The following SRP68 variants were observed in gnomAD, a reference collection of about 807,000 sequenced individuals.
SRP68 encodes signal recognition particle 68.
Under a neutral mutation model 82.2 loss-of-function variants are expected in SRP68, and 15 were observed. The ratio of observed to expected loss-of-function variants is 0.18; its 90% CI spans 0.12 to 0.28. The LOEUF is 0.28. SRP68 is among the 10% of genes least tolerant of loss of function. SRP68 has a pLI of 1.00. For synonymous variants in SRP68, 261 were observed against 292.6 expected, an observed-to-expected ratio of 0.89 and a Z score of 1.10; for missense variants, 595 against 780.5, an observed-to-expected ratio of 0.76 and a Z score of 2.83.
chr17:76,068,207 G>A (rs533769864), intron 2 of SRP68, among the ~76,000 whole-genome samples: 14 of 152,036 alleles, frequency 9.2e-5, no homozygotes, highest in Non-Finnish European at 1.5e-4. Context: ...CAGGACATTC[G>A]CTTAAACTCA....
chr17:76,062,977 A>C (rs556893085), intron 4 of SRP68, among the ~76,000 whole-genome samples: 3 of 150,506 alleles, frequency 2.0e-5, no homozygotes, highest in African/African-American at 7.3e-5. Context: ...TCACCGTGTT[A>C]GCCAGGATGG....
intron 8 of SRP68, 103 bp downstream of exon 8, chr17:76,057,300 T>C (rs2066719756): frequency 1.4e-6 from 2 of 1,404,924 alleles, no homozygotes; most frequent in Non-Finnish European, 2.0e-6. Flanking sequence ...CATTAAAAGT[T>C]TGTTTTATGA....
Position 76,046,182 on chromosome 17 carries a change from G to A in SRP68, c.1155C>T (p.Tyr385=). The A allele has an allele frequency of 1.2e-6, 2 of 1,613,774 alleles. No homozygotes were observed. The highest frequency in any genetic ancestry group is 2.2e-5 in the East Asian group (1 of 44,852). ...GCTTGATTGCCGTTGATAGCTTGAT[G>A]TAAGTCAGGTAGCTGGAATGCACCA... ...NLQYLHSYLT[Y]IKLSTAIKRN... Residue 385 remains tyrosine, a synonymous_variant, in exon 11 of 16, where the codon TAC becomes TAT. Transcript: ENST00000307877.
intron 7 of SRP68, among the ~76,000 whole-genome samples, chr17:76,059,149 T>C (rs1352677784): frequency 1.3e-5 from 2 of 152,200 alleles, no homozygotes; most frequent in Non-Finnish European, 2.9e-5. Flanking sequence ...CTCAGGAGGC[T>C]GAGGCAGGAG....
At chr17:76,054,508 C>A (rs1002668593) in intron 8 of SRP68, among the ~76,000 whole-genome samples, 16 of 152,076 alleles carry the variant, frequency 1.1e-4, no homozygotes, top group African/African-American at 3.4e-4. Context: ...GATAAATGGT[C>A]CCTCTTCCAC....
Position 76,039,947 on chromosome 17 carries a change from C to G in SRP68, c.1657-14G>C. The stretch of plus-strand genomic sequence containing the variant: ...TTCAACCAGAGGCTGGAAGTCAAAT[C>G]AAAGAGACGTATGTAGCATCGGTCA... On this transcript the variant is annotated splice_polypyrimidine_tract_variant and intron_variant, in intron 15 of 15. Transcript: ENST00000307877. 1.2e-6 allele frequency: 2 copies of G among 1,613,230 alleles called. No individual in the cohort carries two copies. Among genetic ancestry groups the G allele is most frequent in the Non-Finnish European group, 1.7e-6 (2 of 1,179,476 alleles).
chr17:76,057,714 A>T (rs1351585231), intron 7 of SRP68, among the ~76,000 whole-genome samples, 171 bp from the exon 8 acceptor site: 1 of 152,060 alleles, frequency 6.6e-6, no homozygotes, highest in Non-Finnish European at 1.5e-5. Flanking sequence ...TTGCTCTGTC[A>T]CCCAGGCTGG....
chr17:76,060,378 G>C lies in SRP68; in HGVS notation c.767C>G (p.Ala256Gly). ...YCAYNIGDQS[A>G]INELMQMRLR... ...TCTCATCTGCATGAGTTCATTGATG[G>C]CTGACTGGTCCCCTAAGAGAGAAAG... Residue 256 changes from alanine (A) to glycine (G), a missense_variant, in exon 7 of 16, where the codon GCC becomes GGC. This residue lies in a region of SRP68 where 495 missense variants were observed against 688.6 expected (regional missense o/e 0.72). Coordinates refer to ENST00000307877, the MANE Select transcript of SRP68 (RefSeq NM_014230.4). 1 of 1,611,676 alleles carries C rather than the reference G, an allele frequency of 6.2e-7. No individual in the cohort carries two copies. Among genetic ancestry groups the C allele is most frequent in the Non-Finnish European group, 8.5e-7 (1 of 1,179,334 alleles).
chr17:76,046,485 C>CA (rs974599570), intron 10 of SRP68, among the ~76,000 whole-genome samples: 9 of 125,864 alleles, frequency 7.2e-5, no homozygotes, highest in African/African-American at 2.4e-4. Flanking sequence ...AAAAAAAAAA[C>CA]AAAAAACAGA....
intron 14 of SRP68, 70 bp downstream of exon 14, chr17:76,040,833 G>T: frequency 7.2e-7 from 1 of 1,392,468 alleles, no homozygotes; most frequent in Non-Finnish European, 1.0e-6. Context: ...ACAGTAGTAT[G>T]GGGTGTGACA....
intron 10 of SRP68, 23 bp downstream of exon 10, chr17:76,047,882 TA>T (rs770608973): frequency 3.0e-6 from 4 of 1,343,940 alleles, no homozygotes; most frequent in Middle Eastern, 2.3e-4. Flanking sequence ...TATTAAAAAG[TA>T]AAAAAATTAA....
intron 13 of SRP68, chr17:76,043,273 C>T (rs1458077371): frequency 6.6e-6 from 1 of 151,622 alleles, no homozygotes; most frequent in Non-Finnish European, 1.5e-5. Flanking sequence ...TCAAGAAAGA[C>T]AGAAAGAAAG....
chr17:76,053,479 C>T (rs1347059726), intron 8 of SRP68: 4 of 985,216 alleles, frequency 4.1e-6, no homozygotes, highest in African/African-American at 3.5e-5. Flanking sequence ...CTTTTCCTGT[C>T]GGTAGGGTAC....
rs371492399 is a variant in SRP68, at chr17:76,046,021, C to T, written c.1299+17G>A. 19 of 1,613,250 alleles carry T rather than the reference C, an allele frequency of 1.2e-5. No homozygotes were observed. The highest frequency in any genetic ancestry group is 1.7e-4 in the Middle Eastern group (1 of 5,850). ...GGAAAACCACAGGCCCTTGCCTTCC[C>T]GGTCCTCAAGGGTCACCTGTAAGAT... On this transcript the variant is annotated intron_variant, in intron 11 of 15. Transcript: ENST00000307877.
chr17:76,065,618 T>C (rs2066800594), intron 3 of SRP68, among the ~76,000 whole-genome samples: 1 of 152,056 alleles, frequency 6.6e-6, no homozygotes, highest in Admixed American at 6.6e-5. Flanking sequence ...TCCAGAGCTT[T>C]ACAGTTCCTA....
chr17:76,059,702 G>T (rs9899725), intron 7 of SRP68, among the ~76,000 whole-genome samples: 83,088 of 150,392 alleles, frequency 0.55, 26,024 homozygotes, highest in African/African-American at 0.86. Flanking sequence ...ATCCCAGAAC[G>T]CTGGGAGGCC....
intron 13 of SRP68, among the ~76,000 whole-genome samples, chr17:76,043,219 G>T (rs1192836200): frequency 6.6e-6 from 1 of 152,048 alleles, no homozygotes; most frequent in Non-Finnish European, 1.5e-5. Context: ...AACTATGATG[G>T]TGCTACTTGC....
In SRP68 at chr17:76,061,588, G is replaced by C; in HGVS notation, c.562-14C>G. On this transcript the variant is annotated splice_polypyrimidine_tract_variant and intron_variant, in intron 4 of 15. Coordinates refer to ENST00000307877, the MANE Select transcript of SRP68 (RefSeq NM_014230.4). ...AGCTGTGTAAGCCTGTGAGGAGATG[G>C]AAGAGGAGGAACTGCTTCAACAGCA... is the stretch of plus-strand genomic sequence containing the variant. 17 of 1,608,908 alleles carry C rather than the reference G, an allele frequency of 1.1e-5. No homozygotes were observed. The highest frequency in any genetic ancestry group is 1.4e-5 in the Non-Finnish European group (17 of 1,175,720).
At chr17:76,052,917 TAAAAA>T (rs75770227) in intron 8 of SRP68, among the ~76,000 whole-genome samples, 7 of 128,474 alleles carry the variant, frequency 5.4e-5, no homozygotes, top group African/African-American at 8.6e-5. Flanking sequence ...TCCCAGAACT[TAAAAA>T]AAAAAAAAAA....
Sources: gnomAD v4.1 joint callset for allele counts (sites outside exome capture counted in the v4.1 genomes callset) on GRCh38, gnomAD v4.1.1 for gene constraint, gnomAD v4.1.1 regional missense constraint, MANE v1.5 for transcripts, NCBI Gene and HGNC (gene_info 2026-07-23, HGNC 2026-07-21) for gene names.